Variants in PRKG1 observed in about 807,000 individuals in gnomAD.
PRKG1 encodes the protein protein kinase cGMP-dependent 1.
PRKG1 carries 35 observed loss-of-function variants against 88.1 expected under a neutral mutation model. The ratio of observed to expected loss-of-function variants is 0.40; its 90% CI spans 0.30 to 0.53. The LOEUF (loss-of-function observed/expected upper bound fraction) is 0.53. Among genes scored for constraint, PRKG1 ranks in the 20% least tolerant of loss-of-function variants. PRKG1 has a pLI of 0.59. For missense variants in PRKG1, 540 were observed against 839.8 expected (o/e 0.64, Z 4.41); for synonymous variants, 303 against 292.5 (o/e 1.04, Z -0.37).
chr10:51,664,169 A>G (rs1840367803), intron 3 of PRKG1, among the ~76,000 whole-genome samples: 1 of 152,152 alleles, frequency 6.6e-6, no homozygotes, highest in African/African-American at 2.4e-5. Context: ...ATGAAATTAA[A>G]CCAGAATAAT....
intron 7 of PRKG1, among the ~76,000 whole-genome samples, chr10:52,070,820 T>G (rs1189599969): frequency 6.6e-6 from 1 of 152,174 alleles, no homozygotes; most frequent in Non-Finnish European, 1.5e-5. Flanking sequence ...TTTATAAAAG[T>G]AATTTTAGAA....
chr10:51,113,064 A>G (rs907800142), intron 1 of PRKG1, among the ~76,000 whole-genome samples: 3 of 152,202 alleles, frequency 2.0e-5, no homozygotes, highest in African/African-American at 7.2e-5. Flanking sequence ...CAATGATTTT[A>G]CACCTCTGTG....
At chr10:51,281,170 A>G (rs1840283968) in intron 2 of PRKG1, among the ~76,000 whole-genome samples, 1 of 152,172 alleles carries the variant, frequency 6.6e-6, no homozygotes, top group Non-Finnish European at 1.5e-5. Flanking sequence ...GAGGCTGCAG[A>G]ACAGCGGATA....
intron 1 of PRKG1, among the ~76,000 whole-genome samples, chr10:51,100,685 C>A (rs1055607116): frequency 6.6e-6 from 1 of 152,142 alleles, no homozygotes; most frequent in African/African-American, 2.4e-5. Context: ...CCTTTCAAAC[C>A]TTTGGTATTA....
intron 3 of PRKG1, among the ~76,000 whole-genome samples, chr10:51,700,487 C>T (rs1826589211): frequency 6.6e-6 from 1 of 152,214 alleles, no homozygotes; most frequent in Admixed American, 6.5e-5. Context: ...AGTGAGTCCA[C>T]CACTTCCATG....
intron 2 of PRKG1, among the ~76,000 whole-genome samples, chr10:51,380,341 G>A (rs1258029639): frequency 6.6e-6 from 1 of 152,166 alleles, no homozygotes; most frequent in Non-Finnish European, 1.5e-5. Flanking sequence ...TGCTACCAAT[G>A]AGGGCTTTTA....
intron 2 of PRKG1, among the ~76,000 whole-genome samples, chr10:51,428,465 G>A (rs1388126135): frequency 1.3e-5 from 2 of 152,088 alleles, no homozygotes; most frequent in African/African-American, 4.8e-5. Context: ...GGCTTGGCAA[G>A]CCCTCCACCC....
At chr10:51,030,858 C>T (rs1463931275) in intron 1 of PRKG1, among the ~76,000 whole-genome samples, 1 of 152,164 alleles carries the variant, frequency 6.6e-6, no homozygotes, top group Non-Finnish European at 1.5e-5. Flanking sequence ...TCTTGTACAG[C>T]CTGCAGAGCC....
intron 7 of PRKG1, among the ~76,000 whole-genome samples, chr10:52,066,887 C>T (rs1051934052): frequency 1.3e-5 from 2 of 152,158 alleles, no homozygotes; most frequent in Admixed American, 1.3e-4. Flanking sequence ...TCTTTAAAAC[C>T]TGTCCTTTGC....
intron 2 of PRKG1, among the ~76,000 whole-genome samples, chr10:51,292,787 CAT>C (rs1398400878): frequency 6.6e-6 from 1 of 152,146 alleles, no homozygotes; most frequent in Non-Finnish European, 1.5e-5. Flanking sequence ...TATCTATAAA[CAT>C]ACACGTTTTA....
At chr10:51,934,849 G>A (rs1429446388) in intron 5 of PRKG1, among the ~76,000 whole-genome samples, 1 of 152,098 alleles carries the variant, frequency 6.6e-6, no homozygotes, top group Non-Finnish European at 1.5e-5. Flanking sequence ...GAGAAATTGA[G>A]CAAAAAGTTC....
chr10:51,516,579 C>T (rs1226719780), intron 3 of PRKG1, among the ~76,000 whole-genome samples: 1 of 152,138 alleles, frequency 6.6e-6, no homozygotes, highest in Non-Finnish European at 1.5e-5. Flanking sequence ...TCTCTGCCTC[C>T]TGTCGCTATC....
At chr10:51,765,212 G>T (rs1838126986) in intron 3 of PRKG1, among the ~76,000 whole-genome samples, 2 of 152,060 alleles carry the variant, frequency 1.3e-5, no homozygotes, top group African/African-American at 4.8e-5. Flanking sequence ...ATCACTGAGG[G>T]AAAAAAGAAT....
upstream of PRKG1, chr10:51,074,312 A>C: frequency 2.0e-6 from 1 of 487,954 alleles, no homozygotes. Flanking sequence ...CGCGGCGCCC[A>C]CCGCGTCTCA....
chr10:51,715,013 C>T (rs1841852208), intron 3 of PRKG1, among the ~76,000 whole-genome samples: 1 of 151,906 alleles, frequency 6.6e-6, no homozygotes, highest in Admixed American at 6.6e-5. Flanking sequence ...TTTTTTATTT[C>T]CCCCCGTGGG....
chr10:51,195,042 C>T (rs1339934901), intron 2 of PRKG1, among the ~76,000 whole-genome samples: 2 of 152,300 alleles, frequency 1.3e-5, no homozygotes, highest in Admixed American at 6.5e-5. Flanking sequence ...ACGTTCAAAC[C>T]GTAGACTTGT....
intron 3 of PRKG1, among the ~76,000 whole-genome samples, chr10:51,745,285 A>C (rs1006443361): frequency 6.6e-6 from 1 of 152,160 alleles, no homozygotes; most frequent in African/African-American, 2.4e-5. Context: ...AAACTAGCTC[A>C]TTAGGTGCCA....
intron 2 of PRKG1, among the ~76,000 whole-genome samples, chr10:51,175,701 G>GA (rs1837173103): frequency 6.6e-6 from 1 of 151,904 alleles, no homozygotes; most frequent in South Asian, 2.1e-4. Flanking sequence ...TACTCTAGTT[G>GA]ACTGGTTCTC....
chr10:51,743,626 A>T (rs1460513735), intron 3 of PRKG1, among the ~76,000 whole-genome samples: 1 of 76,452 alleles, frequency 1.3e-5, no homozygotes, highest in Non-Finnish European at 2.8e-5. Flanking sequence ...CCACTTGTTT[A>T]ATTTATTTTA....
Sources: allele counts gnomAD v4.1 joint callset (sites outside exome capture counted in the v4.1 genomes callset), GRCh38; gene constraint gnomAD v4.1.1; transcripts MANE v1.5; gene names NCBI Gene and HGNC (gene_info 2026-07-23, HGNC 2026-07-21).